The following NXPE4 variants were observed in gnomAD, a reference collection of about 807,000 sequenced individuals.
The protein encoded by NXPE4 is NXPE family member 4.
In NXPE4, 42 loss-of-function variants were observed where a neutral mutation model predicts 33.3. The observed-to-expected ratio is 1.26, with a 90% CI of 0.98 to 1.63. The LOEUF is 1.63. Ranked by LOEUF, NXPE4 falls within the 40% of genes most tolerant of loss-of-function variation. The pLI is 0.00. For missense variants in NXPE4, 709 were observed against 647.6 expected (o/e 1.09, Z -1.03); for synonymous variants, 253 against 234.9 (o/e 1.08, Z -0.71).
At chr11:114,626,471 T>G in the NXPE4 span, among the ~76,000 whole-genome samples, 186 of 152,298 alleles carry the variant, frequency 1.2e-3, no homozygotes, top group African/African-American at 4.1e-3. Flanking sequence ...CGGTCCTGTC[T>G]GTTAGAAGGA....
the NXPE4 span, among the ~76,000 whole-genome samples, chr11:114,666,596 G>T: frequency 1.3e-5 from 2 of 152,084 alleles, no homozygotes; most frequent in Non-Finnish European, 2.9e-5. Context: ...TGTTCTATCT[G>T]TTGATTAATA....
the NXPE4 span, among the ~76,000 whole-genome samples, chr11:114,631,824 G>T: frequency 2.0e-5 from 3 of 151,478 alleles, no homozygotes; most frequent in South Asian, 6.2e-4. Context: ...TGCCTCATGG[G>T]TAACCGATGT....
At chr11:114,625,812 G>C in the NXPE4 span, among the ~76,000 whole-genome samples, 2 of 152,102 alleles carry the variant, frequency 1.3e-5, no homozygotes, top group African/African-American at 4.8e-5. Flanking sequence ...AGGTCAGTGG[G>C]TGAGCACACC....
At chr11:114,621,017 T>C in the NXPE4 span, among the ~76,000 whole-genome samples, 1 of 150,846 alleles carries the variant, frequency 6.6e-6, no homozygotes, top group African/African-American at 2.4e-5. Context: ...TGTCTCGTGG[T>C]TGACCACTGT....
At chr11:114,589,091 A>C (rs1387009222) in intron 2 of NXPE4, among the ~76,000 whole-genome samples, 3 of 152,052 alleles carry the variant, frequency 2.0e-5, no homozygotes, top group Admixed American at 6.5e-5. Flanking sequence ...GCGAGTTGCT[A>C]TTGATGTGGG....
At chr11:114,601,694 TTATA>T in the NXPE4 span, among the ~76,000 whole-genome samples, 2 of 68,558 alleles carry the variant, frequency 2.9e-5, no homozygotes, top group African/African-American at 6.8e-5. Flanking sequence ...TTATATATAT[TTATA>T]ATTCTTTATA....
At chr11:114,656,658 G>A in the NXPE4 span, among the ~76,000 whole-genome samples, 1 of 151,024 alleles carries the variant, frequency 6.6e-6, no homozygotes. Context: ...AAATCAATGG[G>A]CAAAAATCAC....
the NXPE4 span, among the ~76,000 whole-genome samples, chr11:114,613,371 C>T: frequency 3.3e-5 from 5 of 151,470 alleles, no homozygotes; most frequent in Admixed American, 1.3e-4. Context: ...CACGGTTACC[C>T]TGTGGAAAAT....
the NXPE4 span, among the ~76,000 whole-genome samples, chr11:114,663,768 A>T: frequency 1.3e-5 from 2 of 152,086 alleles, no homozygotes; most frequent in Non-Finnish European, 2.9e-5. Flanking sequence ...AACCCAAGTA[A>T]AAAATAGCCA....
the NXPE4 span, among the ~76,000 whole-genome samples, chr11:114,611,312 G>T: frequency 1.7e-4 from 26 of 150,886 alleles, 1 homozygote; most frequent in Admixed American, 1.7e-3. Context: ...GGTAATCACT[G>T]TTACCCAGTG....
intron 4 of NXPE4, among the ~76,000 whole-genome samples, chr11:114,580,543 C>A (rs1357857778): frequency 2.6e-5 from 4 of 151,794 alleles, no homozygotes; most frequent in Non-Finnish European, 4.4e-5. Context: ...AAATAATGTT[C>A]ATTAATGTTC....
the NXPE4 span, among the ~76,000 whole-genome samples, chr11:114,628,788 G>GA: frequency 1.3e-5 from 2 of 151,552 alleles, no homozygotes; most frequent in African/African-American, 2.4e-5. Context: ...GACTAATAAT[G>GA]AAAAAAAGAG....
the NXPE4 span, among the ~76,000 whole-genome samples, chr11:114,664,611 C>CAT: frequency 6.6e-6 from 1 of 152,152 alleles, no homozygotes; most frequent in South Asian, 2.1e-4. Flanking sequence ...CTTAAAGTTA[C>CAT]ATATATATAA....
the NXPE4 span, among the ~76,000 whole-genome samples, chr11:114,651,113 A>T: frequency 2.6e-5 from 4 of 152,074 alleles, no homozygotes; most frequent in Non-Finnish European, 5.9e-5. Context: ...TATATATAAT[A>T]GAATGTGTCC....
At chr11:114,597,982 T>C (rs1949596310), upstream of NXPE4, among the ~76,000 whole-genome samples, 1 of 152,132 alleles carries the variant, frequency 6.6e-6, no homozygotes, top group Non-Finnish European at 1.5e-5. Context: ...GTCCAAAGTC[T>C]CATTTGAGAC....
chr11:114,672,585 T>G, the NXPE4 span, among the ~76,000 whole-genome samples: 1 of 151,924 alleles, frequency 6.6e-6, no homozygotes, highest in African/African-American at 2.4e-5. Context: ...AGACACATAC[T>G]TTACATTTAA....
the NXPE4 span, among the ~76,000 whole-genome samples, chr11:114,601,725 T>A: frequency 4.2e-5 from 3 of 72,196 alleles, no homozygotes; most frequent in African/African-American, 1.8e-4. Flanking sequence ...ATATTATAAT[T>A]ATATATTATA....
intron 2 of NXPE4, 92 bp from the exon 3 acceptor site, chr11:114,583,113 A>T: frequency 7.5e-7 from 1 of 1,335,944 alleles, no homozygotes; most frequent in East Asian, 2.3e-5. Flanking sequence ...TGAAATTAAC[A>T]TGTTCCTAGT....
the NXPE4 span, among the ~76,000 whole-genome samples, chr11:114,608,619 T>C: frequency 0.53 from 79,581 of 150,916 alleles, 22,128 homozygotes; most frequent in African/African-American, 0.68. Context: ...CCACTGTTAC[T>C]TGGTGGATAA....
Sources: allele counts gnomAD v4.1 joint callset (sites outside exome capture counted in the v4.1 genomes callset), GRCh38; gene constraint gnomAD v4.1.1; transcripts MANE v1.5; gene names NCBI Gene and HGNC (gene_info 2026-07-23, HGNC 2026-07-21).